SI: variants seen among roughly 807,000 people sequenced by gnomAD.
SI encodes sucrase-isomaltase, intestinal.
In SI, 235 loss-of-function variants were observed where a neutral mutation model predicts 253.3. That is an observed-to-expected ratio of 0.93 (90% CI 0.83 to 1.03). The LOEUF (loss-of-function observed/expected upper bound fraction) is 1.03. Ranked by LOEUF, SI falls within the 50% of genes least tolerant of loss-of-function variation. The pLI is 0.00. For synonymous variants in SI, 819 were observed against 712.0 expected (o/e 1.15, Z -2.39); for missense variants, 2,442 against 2,211.1 (o/e 1.10, Z -2.09).
chr3:165,025,245 G>A (rs1038898159), intron 25 of SI, among the ~76,000 whole-genome samples: 1 of 151,106 alleles, frequency 6.6e-6, no homozygotes, highest in East Asian at 1.9e-4. Context: ...GCAGAGGAAA[G>A]AACTTCAGAG....
chr3:165,083,473 C>A (rs1275305685), upstream of SI, among the ~76,000 whole-genome samples: 4 of 151,920 alleles, frequency 2.6e-5, no homozygotes, highest in South Asian at 6.2e-4. Flanking sequence ...TCATAAGATT[C>A]CATGACAACT....
At chr3:165,027,099 C>T (rs1711960480) in intron 25 of SI, among the ~76,000 whole-genome samples, 1 of 150,954 alleles carries the variant, frequency 6.6e-6, no homozygotes, top group African/African-American at 2.4e-5. Flanking sequence ...AGGAGAAAGT[C>T]CAAATAAGCT....
intron 24 of SI, among the ~76,000 whole-genome samples, chr3:165,031,945 A>G (rs1361402180): frequency 6.6e-6 from 1 of 151,216 alleles, no homozygotes; most frequent in Non-Finnish European, 1.5e-5. Flanking sequence ...ATAACAGTGC[A>G]TCCAATTTTG....
chr3:165,064,735 T>A (rs1353459944), intron 7 of SI, among the ~76,000 whole-genome samples: 1 of 152,074 alleles, frequency 6.6e-6, no homozygotes, highest in Non-Finnish European at 1.5e-5. Context: ...GATAAAATTT[T>A]CATTGAGTGC....
At chr3:165,075,588 G>A (rs1249677904) in intron 2 of SI, among the ~76,000 whole-genome samples, 2 of 151,834 alleles carry the variant, frequency 1.3e-5, no homozygotes, top group African/African-American at 2.4e-5. Context: ...ATGAGATGAT[G>A]CTCACACCAG....
At chr3:164,989,372 G>GAAA in intron 44 of SI, among the ~76,000 whole-genome samples, 2 of 118,606 alleles carry the variant, frequency 1.7e-5, no homozygotes, top group African/African-American at 6.8e-5. Context: ...AAGAAAGAAA[G>GAAA]GAAGAAAGAA....
chr3:164,993,346 G>C (rs1194105528), intron 41 of SI, among the ~76,000 whole-genome samples: 1 of 151,456 alleles, frequency 6.6e-6, no homozygotes, highest in African/African-American at 2.4e-5. Context: ...AAAGCAACCA[G>C]AACATAATTT....
In SI at chr3:165,003,836, GA is replaced by G. The variant is rs1240589183; in HGVS notation, c.4406+2979del. ...CAGATATACAAAATATAAAAAGCAA[GA>G]AATCAAATAACACCAGAGAAAAGGG... On this transcript the variant is annotated intron_variant, in intron 37 of 47. Coordinates refer to ENST00000264382, the MANE Select transcript of SI (RefSeq NM_001041.4). 2.0e-5 allele frequency among the ~76,000 whole-genome samples: 3 copies of G among 151,786 alleles called. No homozygotes were observed. The Admixed American group carries it at 2.0e-4, about 10-fold the overall frequency.
In SI at chr3:164,996,582, C is replaced by T; in HGVS notation, c.4645G>A (p.Gly1549Arg). The T allele has an allele frequency of 6.2e-7, 1 of 1,609,152 alleles. No individual in the cohort carries two copies. The highest frequency in any genetic ancestry group is 8.5e-7 in the Non-Finnish European group (1 of 1,176,224). ...YHLCTRWMQLGAFYPYSRNHN... is the reference protein window; with the variant it reads ...YHLCTRWMQLRAFYPYSRNHN... The stretch of plus-strand genomic sequence containing the variant: ...TTCCTTGAGTATGGATAAAATGCTC[C>T]AAGTTGCATCCAGCGGGTACAGAGA... Residue 1549 changes from glycine to arginine, a missense_variant, in exon 40 of 48, where the codon GGA becomes AGA. Gly to Arg is a moderately radical substitution (Grantham distance 125). Transcript: ENST00000264382.
chr3:165,016,209 AATTAAATGGTT>A (rs1275976415), intron 31 of SI, 129 bp from the exon 32 acceptor site: 8 of 794,968 alleles, frequency 1.0e-5, no homozygotes, highest in Non-Finnish European at 1.7e-5. Context: ...TCCTAAAAAG[AATTAAATGGTT>A]TAGTGTTCAA....
At chr3:165,025,311 G>A (rs888181476) in intron 25 of SI, among the ~76,000 whole-genome samples, 1 of 151,134 alleles carries the variant, frequency 6.6e-6, no homozygotes, top group African/African-American at 2.4e-5. Context: ...GAAAAAAGAA[G>A]AAGACAATAT....
chr3:165,045,907 C>T (rs1343598972), intron 16 of SI, among the ~76,000 whole-genome samples: 1 of 141,212 alleles, frequency 7.1e-6, no homozygotes, highest in Non-Finnish European at 1.5e-5. Context: ...AATCTTGGCT[C>T]TGTGCAACCT....
chr3:165,018,068 T>C lies in SI; in HGVS notation c.3424-2A>G, dbSNP rs200769066. Reference sequence around the variant, plus strand: ...AAATCCATAGGAATTAAGTTTGTACTGAAATACGAAAAATAAGCACAATAT... The same window carrying C: ...AAATCCATAGGAATTAAGTTTGTACCGAAATACGAAAAATAAGCACAATAT... On this transcript the variant is annotated splice_acceptor_variant, in intron 28 of 47. Coordinates refer to ENST00000264382, the MANE Select transcript of SI (RefSeq NM_001041.4). LOFTEE classifies it high-confidence loss of function. 6 of 1,542,146 alleles carry C rather than the reference T, an allele frequency of 3.9e-6. No homozygotes were observed. In the Admixed American group the frequency reaches 5.0e-5, roughly 13 times the overall value.
chr3:165,052,254 C>A (rs1713469893), intron 13 of SI, among the ~76,000 whole-genome samples: 1 of 152,060 alleles, frequency 6.6e-6, no homozygotes, highest in South Asian at 2.1e-4. Flanking sequence ...TATTTAATGT[C>A]ATATACCACT....
At chr3:165,036,906 T>C (rs1318343389) in intron 21 of SI, among the ~76,000 whole-genome samples, 1 of 151,628 alleles carries the variant, frequency 6.6e-6, no homozygotes, top group Non-Finnish European at 1.5e-5. Flanking sequence ...TTTAGTGGAA[T>C]CTGTAAGAAT....
intron 16 of SI, among the ~76,000 whole-genome samples, chr3:165,046,326 A>G (rs901212361): frequency 1.3e-5 from 2 of 151,940 alleles, no homozygotes; most frequent in Admixed American, 1.3e-4. Context: ...TTTTTGTTTG[A>G]TAGAGTTAGA....
chr3:165,074,319 A>C (rs1714797824), intron 3 of SI: 2 of 283,310 alleles, frequency 7.1e-6, no homozygotes. Context: ...ATGAATATTA[A>C]CTTGTTAATT....
At chr3:165,026,542 C>T (rs1323616517) in intron 25 of SI, among the ~76,000 whole-genome samples, 1 of 151,354 alleles carries the variant, frequency 6.6e-6, no homozygotes, top group Non-Finnish European at 1.5e-5. Flanking sequence ...TTCTATTCAT[C>T]AGCACATGGA....
rs768991830 is a variant in SI, at chr3:165,023,689, C to A, written c.2980G>T (p.Gly994Cys). 7 of 1,610,602 alleles carry A rather than the reference C, an allele frequency of 4.3e-6. No individual in the cohort carries two copies. The highest frequency in any genetic ancestry group is 5.9e-6 in the Non-Finnish European group (7 of 1,177,898). The change falls in exon 26 of 48, where the codon GGT becomes TGT. Residue 994 changes from glycine to cysteine, a missense_variant. Physicochemically the swap from Gly to Cys is radical, Grantham distance 159. Transcript: ENST00000264382. ...TTTAGTTGGAGGTCAGCTGTTATAC[C>A]CATGGATGAATAGCGAGCTGAGTTG... ...SVNSARYSSM[G>C]ITADLQLNTA... is the part of the protein sequence containing the mutation.
Sources: allele counts gnomAD v4.1 joint callset (sites outside exome capture counted in the v4.1 genomes callset), GRCh38; gene constraint gnomAD v4.1.1; transcripts MANE v1.5; gene names NCBI Gene and HGNC (gene_info 2026-07-23, HGNC 2026-07-21).